The following VOPP1 variants were observed in gnomAD, a reference collection of about 807,000 sequenced individuals.
The protein encoded by VOPP1 is WW domain binding protein VOPP1.
Under a neutral mutation model 23.5 loss-of-function variants are expected in VOPP1, and 8 were observed. That is an observed-to-expected ratio of 0.34 (90% CI 0.20 to 0.61). The LOEUF is 0.61. VOPP1 is among the 20% of genes least tolerant of loss of function. The pLI is 0.78. For missense variants in VOPP1, 174 were observed against 238.1 expected, an observed-to-expected ratio of 0.73 and a Z score of 1.77; for synonymous variants, 83 against 97.3, an observed-to-expected ratio of 0.85 and a Z score of 0.86.
Position 55,472,929 on chromosome 7 carries a change from C to T in VOPP1, c.445G>A (p.Val149Met). 6.4e-7 allele frequency: 1 copy of T among 1,555,758 alleles called. No homozygotes were observed. The highest frequency in any genetic ancestry group is 2.1e-5 in the Admixed American group (1 of 46,792). Residue 149 changes from valine to methionine, a missense_variant, in exon 5 of 5, where the codon GTG (valine) becomes ATG (methionine). Transcript: ENST00000285279. The part of the protein sequence containing the change: ...QVPPNSPQGS[V>M]ACPPPPAYCN... ...TAGGCTGGAGGGGGCGGGCAGGCCA[C>T]ACTCCCCTGGGGTGAGTTGGGTGGG...
rs1791808660 is a variant in VOPP1, at chr7:55,471,399, C to T, written c.*1456G>A. 1 of 152,422 alleles carries T rather than the reference C, an allele frequency of 6.6e-6. No individual in the cohort carries two copies. Among genetic ancestry groups the T allele is most frequent in the Non-Finnish European group, 1.5e-5 (1 of 68,046 alleles). 9.4% of individuals were successfully genotyped at this position (152,422 alleles called of 1,614,324 possible). On this transcript the variant is annotated 3_prime_UTR_variant, in exon 5 of 5. Transcript: ENST00000285279. The stretch of plus-strand genomic sequence containing the variant: ...AGTGAAAAGCATGGACACCAAATCA[C>T]TCCGTATCCACTTCCATGAGATGTC...
intron 1 of VOPP1, among the ~76,000 whole-genome samples, chr7:55,559,298 C>G (rs1424030146): frequency 2.0e-5 from 3 of 152,214 alleles, no homozygotes; most frequent in Non-Finnish European, 4.4e-5. Flanking sequence ...CATGCTGACA[C>G]TCAGAAAGGG....
chr7:55,451,160 C>T (rs898989985), intron 4 of VOPP1, among the ~76,000 whole-genome samples: 2 of 152,116 alleles, frequency 1.3e-5, no homozygotes, highest in African/African-American at 4.8e-5. Context: ...ACCCACCACA[C>T]CATTTATAGG....
chr7:55,511,097 G>C lies in VOPP1; in HGVS notation c.113+9975C>G, dbSNP rs1039915214. Among the ~76,000 whole-genome samples the C allele has an allele frequency of 3.3e-5, 5 of 152,192 alleles. No homozygotes were observed. In the East Asian group the frequency reaches 9.6e-4, roughly 29 times the overall value. ...GTATCCACCTTGGTTTCAGAACCTT[G>C]TAAAGGTTTTGACTTAAACAGAAGG... On this transcript the variant is annotated intron_variant, in intron 2 of 4. Coordinates refer to ENST00000285279, the MANE Select transcript of VOPP1 (RefSeq NM_030796.5).
At chr7:55,510,100 C>A (rs903030332) in intron 2 of VOPP1, among the ~76,000 whole-genome samples, 2 of 152,172 alleles carry the variant, frequency 1.3e-5, no homozygotes, top group Admixed American at 1.3e-4. Context: ...ATTTCTGCAA[C>A]CAGTTACTGG....
At chr7:55,459,037 T>A (rs1791435927) in intron 4 of VOPP1, among the ~76,000 whole-genome samples, 2 of 151,982 alleles carry the variant, frequency 1.3e-5, no homozygotes, top group South Asian at 4.2e-4. Flanking sequence ...CTTTATTATG[T>A]TGAGGTATGT....
intron 4 of VOPP1, among the ~76,000 whole-genome samples, chr7:55,477,927 G>A (rs961135378): frequency 6.6e-6 from 1 of 152,174 alleles, no homozygotes. Context: ...GAGGCAGCGC[G>A]GCCGCGGAAG....
At chr7:55,536,386 C>T (rs1024533817) in intron 1 of VOPP1, among the ~76,000 whole-genome samples, 11 of 151,850 alleles carry the variant, frequency 7.2e-5, no homozygotes, top group Admixed American at 7.2e-4. Context: ...AAAATTAGCC[C>T]GGTGTGGTGG....
intron 4 of VOPP1, among the ~76,000 whole-genome samples, chr7:55,485,520 C>T (rs1793068398): frequency 1.3e-5 from 2 of 152,204 alleles, no homozygotes; most frequent in Non-Finnish European, 2.9e-5. Flanking sequence ...CCAAATTCAG[C>T]CTTTCACTTT....
intron 1 of VOPP1, among the ~76,000 whole-genome samples, chr7:55,564,527 A>G (rs1462592943): frequency 2.0e-5 from 3 of 152,142 alleles, no homozygotes; most frequent in African/African-American, 7.2e-5. Context: ...TGTCTTACCT[A>G]GGGCAGAAAT....
intron 4 of VOPP1, among the ~76,000 whole-genome samples, chr7:55,489,419 C>T (rs960906873): frequency 2.0e-5 from 3 of 152,220 alleles, no homozygotes; most frequent in African/African-American, 4.8e-5. Flanking sequence ...ATGGCTCTTC[C>T]GTGGGAAGCC....
intron 4 of VOPP1, among the ~76,000 whole-genome samples, chr7:55,452,410 G>C (rs1791267024): frequency 6.6e-6 from 1 of 152,122 alleles, no homozygotes; most frequent in Non-Finnish European, 1.5e-5. Context: ...CTTCTCCCAA[G>C]CTCCTGTTAA....
chr7:55,497,580 C>T lies in VOPP1; in HGVS notation c.191+33G>A, dbSNP rs554616126. The T allele has an allele frequency of 1.5e-5, 18 of 1,229,962 alleles. 1 individual carries two copies. The South Asian group carries it at 1.6e-4, about 11-fold the overall frequency. 76.2% of individuals were successfully genotyped at this position (1,229,962 alleles called of 1,614,324 possible). A position where few individuals can be genotyped will look rare whatever the true frequency, so the allele number is the denominator to read the frequency against. On this transcript the variant is annotated intron_variant, in intron 3 of 4. Coordinates refer to ENST00000285279, the MANE Select transcript of VOPP1 (RefSeq NM_030796.5). ...GGGGGGGGGGGGGGGGCAGAGCTCT[C>T]GGGGTAGGGAACAAGGAGGAGTTGT...
At chr7:55,523,870 A>G (rs117639962) in intron 1 of VOPP1, among the ~76,000 whole-genome samples, 1,673 of 152,380 alleles carry the variant, frequency 0.011, 11 homozygotes, top group Middle Eastern at 0.02. Context: ...GGACAAGAGC[A>G]AAATTCTTCT....
intron 1 of VOPP1, among the ~76,000 whole-genome samples, chr7:55,569,101 G>A (rs572733757): frequency 1.3e-5 from 2 of 152,340 alleles, no homozygotes; most frequent in African/African-American, 2.4e-5. Context: ...CTCACTGGCT[G>A]TGCATGTAAT....
chr7:55,476,345 G>C (rs1311217066), intron 4 of VOPP1, among the ~76,000 whole-genome samples: 2 of 151,660 alleles, frequency 1.3e-5, no homozygotes, highest in African/African-American at 2.4e-5. Context: ...CCAGCCCCAC[G>C]GGTGCCAGGG....
chr7:55,561,763 A>T lies in VOPP1; in HGVS notation c.54+10508T>A, dbSNP rs1366401126. On this transcript the variant is annotated intron_variant, in intron 1 of 4. Transcript: ENST00000285279. Reference sequence around the variant, plus strand: ...TCCCCTCTTCCAAAAAAAAAAAAAAACAAACAAGCAATTACAGTATCTGAG... The same window carrying T: ...TCCCCTCTTCCAAAAAAAAAAAAAATCAAACAAGCAATTACAGTATCTGAG... 1.3e-5 allele frequency: 6 copies of T among 464,436 alleles called. No individual in the cohort carries two copies. In the East Asian group the frequency reaches 2.1e-4, roughly 16 times the overall value. The allele number at this position is 464,436 out of a possible 1,614,324, so 28.8% of individuals were successfully genotyped here.
At chr7:55,572,125 G>A (rs1798384992) in intron 1 of VOPP1, 146 bp downstream of exon 1, 1 of 534,256 alleles carries the variant, frequency 1.9e-6, no homozygotes, top group Non-Finnish European at 3.1e-6. Context: ...TCCCAGCTCC[G>A]GGAGGCGCGC....
chr7:55,558,170 T>C (rs1005795587), intron 1 of VOPP1, among the ~76,000 whole-genome samples: 1 of 152,144 alleles, frequency 6.6e-6, no homozygotes, highest in Non-Finnish European at 1.5e-5. Flanking sequence ...ACTACTCTAC[T>C]GTGTACTTAG....
Sources: allele counts gnomAD v4.1 joint callset (sites outside exome capture counted in the v4.1 genomes callset), GRCh38; gene constraint gnomAD v4.1.1; transcripts MANE v1.5; gene names NCBI Gene and HGNC (gene_info 2026-07-23, HGNC 2026-07-21).